Variants in TPRX1 observed in about 807,000 individuals in gnomAD.
The protein encoded by TPRX1 is tetra-peptide repeat homeobox protein 1.
In TPRX1, 2 loss-of-function variants were observed where a neutral mutation model predicts 8.1. The observed-to-expected ratio is 0.25, with a 90% CI of 0.10 to 0.78. The LOEUF (loss-of-function observed/expected upper bound fraction) is 0.78. Ranked by LOEUF, TPRX1 falls within the 30% of genes least tolerant of loss-of-function variation. The probability of loss-of-function intolerance (pLI) is 0.70; values close to 1 mark genes in which losing one functional copy is unlikely to be tolerated. For missense variants in TPRX1, 517 were observed against 586.9 expected (o/e 0.88, Z 1.23); for synonymous variants, 257 against 254.1 (o/e 1.01, Z -0.11).
rs200298858 is a variant in TPRX1 at position 47,802,667 on chromosome 19, C to G, written c.635G>C (p.Gly212Ala). ...GCCTGGAATTGGGCCTGGAATTGAG[C>G]CAGGGAGTGGGCCTGGGATCTGGGC... Residue 212 changes from glycine (G) to alanine (A), a missense_variant, in exon 4 of 4, where the codon GGC becomes GCC. Physicochemically the swap from Gly to Ala is moderately conservative, Grantham distance 60. Around this residue, in one of 3 missense-constraint regions of TPRX1, gnomAD observed 506 missense variants for 515.5 expected, o/e 0.98. Coordinates refer to ENST00000535759, the Ensembl canonical transcript of TPRX1. The G allele has an allele frequency of 4.9e-5, 76 of 1,558,096 alleles. No homozygotes were observed. In the African/African-American group the frequency reaches 8.5e-4, roughly 17 times the overall value.
intron 2 of TPRX1, among the ~76,000 whole-genome samples, chr19:47,811,718 C>T (rs1026314364): frequency 2.0e-5 from 3 of 151,376 alleles, no homozygotes; most frequent in Admixed American, 6.6e-5. Context: ...AGGCTGGTCT[C>T]GAACTTCTGA....
exon 4 of TPRX1, chr19:47,801,961 G>A (rs1301719571): frequency 6.2e-7 from 1 of 1,614,132 alleles, no homozygotes; most frequent in Non-Finnish European, 8.5e-7. Context: ...TGAAGTGAGG[G>A]AATAACTGGG....
At chr19:47,812,898 G>A (rs1366247630) in intron 2 of TPRX1, among the ~76,000 whole-genome samples, 2 of 151,816 alleles carry the variant, frequency 1.3e-5, no homozygotes, top group East Asian at 1.9e-4. Flanking sequence ...TTGAGGTCAG[G>A]AGTTCAAGAC....
intron 2 of TPRX1, among the ~76,000 whole-genome samples, chr19:47,813,366 G>A (rs925957567): frequency 2.0e-5 from 3 of 151,678 alleles, no homozygotes; most frequent in East Asian, 1.9e-4. Context: ...AAAAGCCCAC[G>A]ACCCCCCCAA....
exon 4 of TPRX1, chr19:47,802,123 A>T: frequency 6.3e-7 from 1 of 1,583,360 alleles, no homozygotes; most frequent in Non-Finnish European, 8.6e-7. Flanking sequence ...GAAGTGAGCC[A>T]GGGCTTCGCA....
intron 2 of TPRX1, among the ~76,000 whole-genome samples, chr19:47,814,682 G>A (rs1378383763): frequency 1.3e-5 from 2 of 152,002 alleles, no homozygotes; most frequent in Non-Finnish European, 2.9e-5. Context: ...GTTTTGGAAG[G>A]GTCTGAACTG....
chr19:47,815,150 A>G (rs1355137474), intron 2 of TPRX1, among the ~76,000 whole-genome samples: 1 of 83,462 alleles, frequency 1.2e-5, no homozygotes, highest in Non-Finnish European at 2.4e-5. Context: ...ATATGCAAAT[A>G]TATATATATA....
At chr19:47,804,980 T>C (rs1443664574) in intron 2 of TPRX1, among the ~76,000 whole-genome samples, 14 of 152,208 alleles carry the variant, frequency 9.2e-5, no homozygotes, top group Non-Finnish European at 7.3e-5. Context: ...TCCTGGCTCC[T>C]GGGCTGCCTG....
chr19:47,812,477 T>C (rs1967792673), intron 2 of TPRX1, among the ~76,000 whole-genome samples: 1 of 152,048 alleles, frequency 6.6e-6, no homozygotes, highest in African/African-American at 2.4e-5. Flanking sequence ...CTCATGCCTG[T>C]AATCCCAGCA....
intron 2 of TPRX1, among the ~76,000 whole-genome samples, chr19:47,810,997 T>TG (rs950999330): frequency 6.8e-4 from 102 of 151,006 alleles, no homozygotes; most frequent in African/African-American, 2.3e-3. Flanking sequence ...CTCTCTGTTT[T>TG]TTTTTTTTTT....
At chr19:47,813,609 C>CA (rs768822395) in intron 2 of TPRX1, among the ~76,000 whole-genome samples, 41 of 152,230 alleles carry the variant, frequency 2.7e-4, no homozygotes, top group Non-Finnish European at 5.6e-4. Flanking sequence ...CACCCTGCCC[C>CA]TCTGTCTCCC....
chr19:47,818,541 G>A, intron 1 of TPRX1: 1 of 456,084 alleles, frequency 2.2e-6, no homozygotes, highest in Non-Finnish European at 4.4e-6. Flanking sequence ...CCATCCTCCT[G>A]ACAAGGGCAG....
chr19:47,808,033 G>A (rs1343425845), intron 2 of TPRX1, among the ~76,000 whole-genome samples: 2 of 152,026 alleles, frequency 1.3e-5, no homozygotes, highest in African/African-American at 4.8e-5. Flanking sequence ...GGGTTTAAGC[G>A]ATCCTGCAAC....
chr19:47,812,024 G>T (rs989037507), intron 2 of TPRX1, among the ~76,000 whole-genome samples: 28 of 151,394 alleles, frequency 1.8e-4, no homozygotes, highest in Non-Finnish European at 3.4e-4. Context: ...CTGCCACCAC[G>T]CCCGGCTAAT....
chr19:47,802,091 C>A lies in TPRX1; in HGVS notation c.1211G>T (p.Gly404Val), dbSNP rs1967670693. 3.8e-6 allele frequency: 6 copies of A among 1,591,554 alleles called. No individual in the cohort carries two copies. The highest frequency in any genetic ancestry group is 5.1e-6 in the Non-Finnish European group (6 of 1,169,996). Residue 404 changes from glycine (G) to valine (V), a missense_variant, in exon 4 of 4, where the codon GGC becomes GTC. Transcript: ENST00000535759. ...GCCTGAGCCTGGGCCTGAGCCTGGG[C>A]CTAAAATCGGGGCTAGGCCTGGAAG...
At chr19:47,817,502 C>A (rs1213012955) in intron 2 of TPRX1, among the ~76,000 whole-genome samples, 1 of 152,130 alleles carries the variant, frequency 6.6e-6, no homozygotes, top group Non-Finnish European at 1.5e-5. Flanking sequence ...TCAGAGGTCC[C>A]TTTCTCAGAG....
intron 2 of TPRX1, among the ~76,000 whole-genome samples, chr19:47,803,920 G>T (rs1798408707): frequency 1.3e-5 from 2 of 152,030 alleles, no homozygotes; most frequent in Admixed American, 1.3e-4. Context: ...GAGCAGACGG[G>T]GCTGCCTCAG....
chr19:47,815,562 A>G, intron 2 of TPRX1, among the ~76,000 whole-genome samples: 1 of 146,834 alleles, frequency 6.8e-6, no homozygotes, highest in South Asian at 2.2e-4. Flanking sequence ...TAATCCCAGC[A>G]CTTTGGGAGG....
At chr19:47,805,709 G>A (rs1045828086) in intron 2 of TPRX1, among the ~76,000 whole-genome samples, 3 of 152,104 alleles carry the variant, frequency 2.0e-5, no homozygotes, top group African/African-American at 4.8e-5. Context: ...CACATTGTCC[G>A]GCTTCATCTA....
Sources: allele counts gnomAD v4.1 joint callset (sites outside exome capture counted in the v4.1 genomes callset), GRCh38; gene constraint gnomAD v4.1.1; regional missense constraint gnomAD v4.1.1; transcripts MANE v1.5; gene names NCBI Gene and HGNC (gene_info 2026-07-23, HGNC 2026-07-21).